Variants in PCDHA6 observed in about 807,000 individuals in gnomAD.
PCDHA6 encodes the protein protocadherin alpha 6.
A neutral mutation model predicts 60.3 loss-of-function variants in PCDHA6; 55 were observed. The observed-to-expected ratio is 0.91, with a 90% confidence interval of 0.73 to 1.14. The LOEUF (loss-of-function observed/expected upper bound fraction) is 1.14, where lower values mean the gene tolerates loss of function less well. Among genes scored for constraint, PCDHA6 ranks in the 50% most tolerant of loss-of-function variants. The pLI is 0.00. For synonymous variants in PCDHA6, 652 were observed against 557.9 expected, an observed-to-expected ratio of 1.17 and a Z score of -2.38; for missense variants, 1,327 against 1,256.5, an observed-to-expected ratio of 1.06 and a Z score of -0.85.
chr5:140,993,463 CACA>C (rs1563592017), intron 3 of PCDHA6, among the ~76,000 whole-genome samples: 29 of 7,582 alleles, frequency 3.8e-3, no homozygotes, highest in African/African-American at 0.016. Flanking sequence ...CTTTCTTTCT[CACA>C]CACACACACA....
At chr5:141,002,583 C>T (rs781898349) in intron 3 of PCDHA6, among the ~76,000 whole-genome samples, 6 of 152,176 alleles carry the variant, frequency 3.9e-5, no homozygotes, top group Non-Finnish European at 7.3e-5. Context: ...GACCATTAGT[C>T]CTTAGTCCCC....
In PCDHA6 at chr5:140,829,871, G is replaced by A. The variant is rs1770641625; in HGVS notation, c.1780G>A (p.Val594Met). 6.2e-7 allele frequency: 1 copy of A among 1,613,844 alleles called. No homozygotes were observed. Among genetic ancestry groups the A allele is most frequent in the Non-Finnish European group, 8.5e-7 (1 of 1,179,892 alleles). ...GGGTGCAGGCCAAGTGGTGGCGAAG[G>A]TGCGCGCAGTTGACGCCGACTCAGG... ...SLGAGQVVAK[V>M]RAVDADSGYN... The change falls in exon 1 of 4, where the codon GTG (valine) becomes ATG (methionine). Residue 594 changes from valine (V) to methionine (M), a missense_variant. Val to Met is a conservative substitution (Grantham distance 21). Transcript: ENST00000529310.
chr5:140,898,980 G>A (rs2067076537), intron 1 of PCDHA6, among the ~76,000 whole-genome samples: 1 of 151,930 alleles, frequency 6.6e-6, no homozygotes, highest in South Asian at 2.1e-4. Flanking sequence ...CTCATGATTT[G>A]GCTCTCTGTT....
At chr5:140,857,708 G>C (rs1554150547) in intron 1 of PCDHA6, 8 of 1,597,392 alleles carry the variant, frequency 5.0e-6, no homozygotes, top group Non-Finnish European at 6.0e-6. Flanking sequence ...GCAGGTGTTC[G>C]TGCTGGACGA....
At chr5:140,966,642 G>C (rs897727830) in intron 1 of PCDHA6, 15 of 1,117,790 alleles carry the variant, frequency 1.3e-5, no homozygotes, top group Non-Finnish European at 1.8e-5. Context: ...GCGCTTTCTA[G>C]AGCGTGAGCG....
chr5:140,916,367 C>G (rs1400347792), intron 1 of PCDHA6, among the ~76,000 whole-genome samples: 1 of 152,196 alleles, frequency 6.6e-6, no homozygotes, highest in Non-Finnish European at 1.5e-5. Flanking sequence ...GAGTCTTTCA[C>G]TGTAGCCACC....
At chr5:140,893,391 G>T (rs1481818388) in intron 1 of PCDHA6, among the ~76,000 whole-genome samples, 1 of 152,158 alleles carries the variant, frequency 6.6e-6, no homozygotes, top group Non-Finnish European at 1.5e-5. Context: ...AGTGGCTCAT[G>T]CCTGTAATCC....
In PCDHA6 at chr5:140,849,941, T is replaced by G. The variant is rs2150458780; in HGVS notation, c.2394+19456T>G. The G allele has an allele frequency of 0.63, 1,006,911 of 1,597,380 alleles. 351,403 individuals carry two copies. Among genetic ancestry groups the G allele is most frequent in the African/African-American group, 0.85 (63,094 of 74,394 alleles). Reference sequence around the variant, plus strand: ...TCTTCACGGTGTCTGCGCGGGACGCTGACGCGCAGGAGAACGCCCTGGTGT... The same window carrying G: ...TCTTCACGGTGTCTGCGCGGGACGCGGACGCGCAGGAGAACGCCCTGGTGT... On this transcript the variant is annotated intron_variant, in intron 1 of 3. Coordinates refer to ENST00000529310, the MANE Select transcript of PCDHA6 (RefSeq NM_018909.4).
intron 1 of PCDHA6, chr5:140,884,570 G>A (rs1174925238): frequency 6.2e-7 from 1 of 1,614,074 alleles, no homozygotes; most frequent in Non-Finnish European, 8.5e-7. Flanking sequence ...GCATAAGACG[G>A]ACCTCATGGC....
chr5:140,850,984 T>G (rs2150504982), intron 1 of PCDHA6: 15 of 1,451,674 alleles, frequency 1.0e-5, no homozygotes, highest in Non-Finnish European at 1.3e-5. Flanking sequence ...GTTTTATTCA[T>G]TTTTCTAGAA....
chr5:140,850,035 A>G, intron 1 of PCDHA6: 1 of 1,596,458 alleles, frequency 6.3e-7, no homozygotes, highest in Non-Finnish European at 8.6e-7. Flanking sequence ...GCACGCGGAG[A>G]GCGGCAAGGT....
At chr5:140,915,244 G>A (rs1440851135) in intron 1 of PCDHA6, among the ~76,000 whole-genome samples, 2 of 152,058 alleles carry the variant, frequency 1.3e-5, no homozygotes, top group Non-Finnish European at 2.9e-5. Flanking sequence ...ACCATGCCTG[G>A]CCAGGTTGTT....
intron 1 of PCDHA6, among the ~76,000 whole-genome samples, chr5:140,839,453 A>G (rs113969469): frequency 3.3e-5 from 5 of 152,018 alleles, no homozygotes; most frequent in African/African-American, 1.2e-4. Context: ...GCAGTGGCAC[A>G]ATCTGGGCTT....
chr5:140,850,555 C>T (rs1562471328), intron 1 of PCDHA6: 2 of 1,598,250 alleles, frequency 1.3e-6, no homozygotes, highest in South Asian at 1.1e-5. Context: ...GTGGGTGCCA[C>T]GGGCCCCGAG....
chr5:140,870,167 C>G, intron 1 of PCDHA6: 1 of 1,614,134 alleles, frequency 6.2e-7, no homozygotes, highest in Non-Finnish European at 8.5e-7. Flanking sequence ...ACTTCCTTGT[C>G]CCTCCCAGTA....
intron 1 of PCDHA6, among the ~76,000 whole-genome samples, chr5:140,935,686 C>T (rs943427521): frequency 3.3e-5 from 5 of 152,108 alleles, no homozygotes; most frequent in Non-Finnish European, 7.4e-5. Flanking sequence ...ATTTACATGG[C>T]TCCAAAATAA....
Position 140,884,220 on chromosome 5 carries a change from T to G in PCDHA6, c.2394+53735T>G, listed in dbSNP as rs1469726535. 4 of 1,613,408 alleles carry G rather than the reference T, an allele frequency of 2.5e-6. No homozygotes were observed. The highest frequency in any genetic ancestry group is 3.4e-6 in the Non-Finnish European group (4 of 1,179,728). On this transcript the variant is annotated intron_variant, in intron 1 of 3. Transcript: ENST00000529310. ...CCGCACCACCGCCTTCTGGTGCTGG[T>G]GAAGGACCACGGTGAGCCCGCGCTG...
chr5:140,955,386 G>T (rs942993673), intron 1 of PCDHA6, among the ~76,000 whole-genome samples: 4 of 152,080 alleles, frequency 2.6e-5, no homozygotes, highest in African/African-American at 9.7e-5. Flanking sequence ...AATCATGGGG[G>T]CAATTATCCC....
intron 1 of PCDHA6, chr5:140,870,111 G>A (rs112749867): frequency 6.8e-6 from 11 of 1,613,880 alleles, no homozygotes; most frequent in Non-Finnish European, 9.3e-6. Flanking sequence ...GTACAGTCTG[G>A]GTGGAAATCT....
Sources: gnomAD v4.1 joint callset for allele counts (sites outside exome capture counted in the v4.1 genomes callset) on GRCh38, gnomAD v4.1.1 for gene constraint, MANE v1.5 for transcripts, NCBI Gene and HGNC (gene_info 2026-07-23, HGNC 2026-07-21) for gene names.